Variants in WWOX observed in about 807,000 individuals in gnomAD.
The protein encoded by WWOX is WW domain-containing oxidoreductase.
WWOX carries 69 observed loss-of-function variants against 46.2 expected under a neutral mutation model. That is an observed-to-expected ratio of 1.49 (90% CI 1.23 to 1.82). The LOEUF (loss-of-function observed/expected upper bound fraction) is 1.82, where lower values mean the gene tolerates loss of function less well. Among genes scored for constraint, WWOX ranks in the 40% most tolerant of loss-of-function variants. The probability of loss-of-function intolerance (pLI) is 0.00; values close to 1 mark genes in which losing one functional copy is unlikely to be tolerated. For missense variants in WWOX, 919 were observed against 542.6 expected (o/e 1.69, Z -6.89); for synonymous variants, 359 against 202.6 (o/e 1.77, Z -6.56).
intron 8 of WWOX, among the ~76,000 whole-genome samples, chr16:79,192,335 T>C (rs1451119118): frequency 1.4e-5 from 2 of 145,400 alleles, no homozygotes; most frequent in African/African-American, 2.6e-5. Flanking sequence ...ATTCATTCAT[T>C]CATCCACCCA....
intron 8 of WWOX, among the ~76,000 whole-genome samples, chr16:79,127,508 C>T (rs1034383945): frequency 9.9e-5 from 15 of 152,114 alleles, no homozygotes; most frequent in South Asian, 2.1e-4. Flanking sequence ...TGAACCAATT[C>T]CCTATTGATA....
intron 8 of WWOX, among the ~76,000 whole-genome samples, chr16:78,671,795 G>T (rs1044823148): frequency 2.6e-5 from 4 of 152,124 alleles, no homozygotes; most frequent in South Asian, 2.1e-4. Flanking sequence ...TATTCAATTT[G>T]CCTTGCTAAT....
At chr16:79,068,539 C>T (rs1306447819) in intron 8 of WWOX, among the ~76,000 whole-genome samples, 1 of 151,984 alleles carries the variant, frequency 6.6e-6, no homozygotes, top group Non-Finnish European at 1.5e-5. Context: ...CACGGTGGCT[C>T]ATGCCTGTAA....
At chr16:78,174,068 A>C (rs1344384055) in intron 5 of WWOX, among the ~76,000 whole-genome samples, 1 of 152,148 alleles carries the variant, frequency 6.6e-6, no homozygotes, top group Non-Finnish European at 1.5e-5. Context: ...CCTGTCTCCA[A>C]CTACCATCAC....
At chr16:78,205,870 G>GTCCTCCCTTCCTCCCA (rs1276558142) in intron 5 of WWOX, among the ~76,000 whole-genome samples, 4 of 132,538 alleles carry the variant, frequency 3.0e-5, no homozygotes, top group Non-Finnish European at 4.9e-5. Context: ...CCTTCCTTCC[G>GTCCTCCCTTCCTCCCA]TCCTCCCTTC....
chr16:78,550,580 T>C (rs1250614380), intron 8 of WWOX, among the ~76,000 whole-genome samples: 1 of 152,240 alleles, frequency 6.6e-6, no homozygotes, highest in South Asian at 2.1e-4. Flanking sequence ...TTTTCTACTA[T>C]GGATGAATGC....
chr16:78,617,126 G>C (rs2046044817), intron 8 of WWOX, among the ~76,000 whole-genome samples: 1 of 152,028 alleles, frequency 6.6e-6, no homozygotes, highest in Non-Finnish European at 1.5e-5. Context: ...TTTAAAAGGT[G>C]ATAGGCCTGT....
At chr16:78,713,580 T>C (rs1326936327) in intron 8 of WWOX, among the ~76,000 whole-genome samples, 2 of 152,066 alleles carry the variant, frequency 1.3e-5, no homozygotes, top group African/African-American at 4.8e-5. Flanking sequence ...TGGGTCCTTA[T>C]AAAAAGAGGA....
At chr16:78,697,453 C>T (rs888703005) in intron 8 of WWOX, among the ~76,000 whole-genome samples, 10 of 152,156 alleles carry the variant, frequency 6.6e-5, no homozygotes, top group African/African-American at 2.4e-4. Context: ...GAACAGTCAG[C>T]AGAGTAAACA....
intron 1 of WWOX, among the ~76,000 whole-genome samples, chr16:78,106,563 T>C (rs1269592790): frequency 1.3e-5 from 2 of 151,824 alleles, no homozygotes; most frequent in Non-Finnish European, 2.9e-5. Flanking sequence ...ATTACAGGCA[T>C]GTGCCACCAC....
intron 5 of WWOX, among the ~76,000 whole-genome samples, chr16:78,329,628 A>G (rs2080710976): frequency 6.6e-6 from 1 of 152,352 alleles, no homozygotes; most frequent in Middle Eastern, 3.4e-3. Flanking sequence ...AGTTTCCTGC[A>G]CACGCTTAAG....
At chr16:78,405,716 C>G (rs2082512540) in intron 6 of WWOX, among the ~76,000 whole-genome samples, 1 of 152,168 alleles carries the variant, frequency 6.6e-6, no homozygotes. Flanking sequence ...TAGGCACCAT[C>G]TCTGTCAAGG....
chr16:78,766,926 A>G (rs1027042974), intron 8 of WWOX, among the ~76,000 whole-genome samples: 1 of 152,230 alleles, frequency 6.6e-6, no homozygotes, highest in Non-Finnish European at 1.5e-5. Flanking sequence ...TTAAAAAATA[A>G]CTGCCCCTTC....
At chr16:78,217,495 C>T (rs749124993) in intron 5 of WWOX, among the ~76,000 whole-genome samples, 20 of 152,282 alleles carry the variant, frequency 1.3e-4, no homozygotes, top group Middle Eastern at 6.8e-3. Context: ...TGGAATATTG[C>T]TGTTCCTAAA....
At chr16:78,650,758 T>G (rs1000012825) in intron 8 of WWOX, among the ~76,000 whole-genome samples, 8 of 152,192 alleles carry the variant, frequency 5.3e-5, no homozygotes, top group Non-Finnish European at 8.8e-5. Flanking sequence ...GGAATGGGTT[T>G]CCATGCCATG....
intron 8 of WWOX, among the ~76,000 whole-genome samples, chr16:78,733,524 G>A (rs1207489925): frequency 2.0e-5 from 3 of 151,450 alleles, no homozygotes; most frequent in Non-Finnish European, 2.9e-5. Flanking sequence ...GAGGTGGGCG[G>A]ATCACGAGGT....
intron 8 of WWOX, among the ~76,000 whole-genome samples, chr16:79,089,643 T>G (rs1343207616): frequency 1.3e-5 from 2 of 152,158 alleles, no homozygotes; most frequent in East Asian, 3.9e-4. Flanking sequence ...GTGGCAATCT[T>G]TATACATAAA....
intron 5 of WWOX, among the ~76,000 whole-genome samples, chr16:78,221,790 T>C (rs1017095103): frequency 4.6e-5 from 7 of 152,234 alleles, no homozygotes; most frequent in Non-Finnish European, 1.0e-4. Context: ...GTTTGTAATT[T>C]GTTTTTGACA....
intron 5 of WWOX, among the ~76,000 whole-genome samples, chr16:78,306,664 C>T (rs2080139347): frequency 6.6e-6 from 1 of 151,870 alleles, no homozygotes. Flanking sequence ...CACCCCATGC[C>T]TTCCCCAAAT....
Sources: allele counts gnomAD v4.1 joint callset (sites outside exome capture counted in the v4.1 genomes callset), GRCh38; gene constraint gnomAD v4.1.1; transcripts MANE v1.5; gene names NCBI Gene and HGNC (gene_info 2026-07-23, HGNC 2026-07-21).